The following GOLM1 variants were observed in gnomAD, a reference collection of about 807,000 sequenced individuals.
The protein encoded by GOLM1 is epididymis luminal protein 46.
GOLM1 carries 31 observed loss-of-function variants against 50.5 expected under a neutral mutation model. That is an observed-to-expected ratio of 0.61 (90% CI 0.46 to 0.83). The LOEUF (loss-of-function observed/expected upper bound fraction) is 0.83, where lower values mean the gene tolerates loss of function less well. GOLM1 is among the 40% of genes least tolerant of loss of function. The pLI, the probability that GOLM1 is intolerant of heterozygous loss-of-function variation, is 0.00. For synonymous variants in GOLM1, 178 were observed against 192.8 expected (o/e 0.92, Z 0.64); for missense variants, 491 against 501.3 (o/e 0.98, Z 0.20).
At chr9:86,099,743 A>G (rs917324241), upstream of GOLM1, among the ~76,000 whole-genome samples, 12 of 151,892 alleles carry the variant, frequency 7.9e-5, no homozygotes, top group African/African-American at 2.7e-4. Context: ...GCGTGCGCCC[A>G]GTTCTCGCCG....
chr9:86,074,075 G>A (rs1022006859), intron 3 of GOLM1, among the ~76,000 whole-genome samples: 5 of 152,058 alleles, frequency 3.3e-5, no homozygotes, highest in Admixed American at 2.6e-4. Context: ...GGCAGAGACA[G>A]GCAGGGAAAT....
chr9:86,064,019 G>A (rs1834237754), intron 3 of GOLM1, among the ~76,000 whole-genome samples: 1 of 152,134 alleles, frequency 6.6e-6, no homozygotes, highest in Non-Finnish European at 1.5e-5. Flanking sequence ...AATCAAATAG[G>A]CATCTGAGTC....
Position 86,036,406 on chromosome 9 carries a change from G to C in GOLM1, c.699C>G (p.Ser233=). 1 of 1,614,116 alleles carries C rather than the reference G, an allele frequency of 6.2e-7. No individual in the cohort carries two copies. Among genetic ancestry groups the C allele is most frequent in the Non-Finnish European group, 8.5e-7 (1 of 1,180,012 alleles). ...CTTCGGAACTGGGGGCTGGTGTCTG[G>C]GACTTGCTGTTACCAAGCACGTTTC... ...GKGNVLGNSK[S]QTPAPSSEVV... Residue 233 remains serine (S), a synonymous_variant, in exon 7 of 10, where the codon TCC becomes TCG. Coordinates refer to ENST00000388712, the MANE Select transcript of GOLM1 (RefSeq NM_016548.4).
chr9:86,031,079 G>A (rs770462938), intron 9 of GOLM1, among the ~76,000 whole-genome samples: 8 of 152,242 alleles, frequency 5.3e-5, no homozygotes, highest in East Asian at 1.9e-4. Context: ...ACGTGGTGGC[G>A]TGCGCCTCTA....
chr9:86,099,199 G>C (rs1359994313), intron 1 of GOLM1, among the ~76,000 whole-genome samples: 4 of 152,082 alleles, frequency 2.6e-5, no homozygotes, highest in Admixed American at 6.5e-5. Context: ...AGCGAGCCGA[G>C]GGGCCCAGGC....
In GOLM1 at chr9:86,037,038, T is replaced by C. The variant is rs114382556; in HGVS notation, c.598-531A>G. On this transcript the variant is annotated intron_variant, in intron 6 of 9. Transcript: ENST00000388712. ...TAAATCAATAACAGGATGAAACTTA[T>C]GACATTTGCAAATATTTGGAAATTA... Among the ~76,000 whole-genome samples the C allele has an allele frequency of 7.0e-3, 1,068 of 152,342 alleles. 9 individuals are homozygous for C. Among genetic ancestry groups the C allele is most frequent in the African/African-American group, 0.02 (852 of 41,580 alleles).
intron 1 of GOLM1, among the ~76,000 whole-genome samples, chr9:86,087,577 T>C (rs1835019653): frequency 6.6e-6 from 1 of 152,190 alleles, no homozygotes; most frequent in Non-Finnish European, 1.5e-5. Context: ...GGCTGTGGGT[T>C]TGTTGTAAAT....
intron 3 of GOLM1, among the ~76,000 whole-genome samples, chr9:86,074,613 T>A (rs1587729732): frequency 6.6e-6 from 1 of 152,210 alleles, no homozygotes; most frequent in South Asian, 2.1e-4. Flanking sequence ...CTCTCTAGGG[T>A]CTAGGTGTCA....
At chr9:86,049,298 G>T (rs906812822) in intron 4 of GOLM1, among the ~76,000 whole-genome samples, 1 of 152,178 alleles carries the variant, frequency 6.6e-6, no homozygotes, top group Non-Finnish European at 1.5e-5. Context: ...TTGAGGTCAC[G>T]TAGCGTAATG....
At chr9:86,034,416 T>C (rs1833073078) in intron 8 of GOLM1, among the ~76,000 whole-genome samples, 2 of 152,168 alleles carry the variant, frequency 1.3e-5, no homozygotes, top group Non-Finnish European at 2.9e-5. Context: ...AGGTGCATCC[T>C]GCAGGCACTG....
intron 3 of GOLM1, among the ~76,000 whole-genome samples, chr9:86,067,729 G>A (rs954781536): frequency 2.6e-5 from 4 of 152,160 alleles, no homozygotes; most frequent in African/African-American, 7.2e-5. Context: ...TTGGCCGGGC[G>A]CAGTGGCTCA....
intron 3 of GOLM1, among the ~76,000 whole-genome samples, chr9:86,062,607 G>A (rs1458174184): frequency 6.6e-6 from 1 of 150,856 alleles, no homozygotes; most frequent in African/African-American, 2.4e-5. Flanking sequence ...GAGGGGAGGA[G>A]GGCAAGAGGA....
chr9:86,033,441 G>C (rs1282252504), intron 8 of GOLM1, 46 bp from the exon 9 acceptor site: 1 of 1,161,838 alleles, frequency 8.6e-7, no homozygotes, highest in Non-Finnish European at 1.3e-6. Context: ...TTTCTGTCTT[G>C]ATGTCACAGG....
At chr9:86,060,613 A>C (rs1284890822) in intron 3 of GOLM1, among the ~76,000 whole-genome samples, 1 of 151,950 alleles carries the variant, frequency 6.6e-6, no homozygotes, top group African/African-American at 2.4e-5. Context: ...CGGGCGCAGC[A>C]GCTCACGCCT....
rs1832834267 is a variant in GOLM1 at position 86,027,881 on chromosome 9, TCAA to T, written c.1139_1141del (p.Val380del). 2 of 1,598,818 alleles carry T rather than the reference TCAA, an allele frequency of 1.3e-6. No homozygotes were observed. Among genetic ancestry groups the T allele is most frequent in the African/African-American group, 2.7e-5 (2 of 74,630 alleles). On this transcript the variant is annotated inframe_deletion, in exon 10 of 10. Coordinates refer to ENST00000388712, the MANE Select transcript of GOLM1 (RefSeq NM_016548.4). ...ATTTATGGTGTCTCTTTTCTGATCT[TCAA>T]CATTAAAAACTAAAAAGGAAAAACA...
chr9:86,027,778 T>G lies in GOLM1; in HGVS notation c.*39A>C. ...CCCTCATGAACATTTTATAGTCATC[T>G]CTTCGGCCCTGTTGTGAAATATGTG... On this transcript the variant is annotated 3_prime_UTR_variant, in exon 10 of 10. Coordinates refer to ENST00000388712, the MANE Select transcript of GOLM1 (RefSeq NM_016548.4). 6.2e-7 allele frequency: 1 copy of G among 1,600,558 alleles called. No homozygotes were observed. The highest frequency in any genetic ancestry group is 8.5e-7 in the Non-Finnish European group (1 of 1,174,250).
At position 86,052,542 on chromosome 9, in the gene GOLM1, A is replaced by G; in HGVS notation, c.359T>C (p.Leu120Pro). 2 of 1,613,684 alleles carry G rather than the reference A, an allele frequency of 1.2e-6. No individual in the cohort carries two copies. The highest frequency in any genetic ancestry group is 1.7e-6 in the Non-Finnish European group (2 of 1,179,628). Reference sequence around the variant, plus strand: ...GAGGAGCGAGCGGAACTTACCTTGCAGCACTCGGATGAGCCTCTCACCTGT... The same window carrying G: ...GAGGAGCGAGCGGAACTTACCTTGCGGCACTCGGATGAGCCTCTCACCTGT... ...ITTGERLIRVLQDQLKTLQRN... is the reference protein window; with the variant it reads ...ITTGERLIRVPQDQLKTLQRN... The change falls in exon 4 of 10, where the codon CTG (leucine) becomes CCG (proline). Residue 120 changes from leucine (L) to proline (P), a missense_variant. Physicochemically the swap from Leu to Pro is moderately conservative, Grantham distance 98. Transcript: ENST00000388712.
At chr9:86,051,427 T>G (rs912228373) in intron 4 of GOLM1, among the ~76,000 whole-genome samples, 1 of 152,294 alleles carries the variant, frequency 6.6e-6, no homozygotes, top group African/African-American at 2.4e-5. Flanking sequence ...CTTGTTAACT[T>G]TCTGTCTCGT....
Position 86,031,277 on chromosome 9 carries a change from A to G in GOLM1, c.1129+2005T>C, listed in dbSNP as rs145588840. Among the ~76,000 whole-genome samples, 903 of 152,066 alleles carry G rather than the reference A, an allele frequency of 5.9e-3. 6 individuals carry two copies. The highest frequency in any genetic ancestry group is 0.02 in the African/African-American group (847 of 41,456). ...GAAACTGAAGTGAAGTAGTTGTTAC[A>G]ACGACTCCTGCTGCCCTGAGGATTT... On this transcript the variant is annotated intron_variant, in intron 9 of 9. Transcript: ENST00000388712.
Sources: gnomAD v4.1 joint callset for allele counts (sites outside exome capture counted in the v4.1 genomes callset) on GRCh38, gnomAD v4.1.1 for gene constraint, MANE v1.5 for transcripts, NCBI Gene and HGNC (gene_info 2026-07-23, HGNC 2026-07-21) for gene names.